LEO1: variants seen among roughly 807,000 people sequenced by gnomAD.
LEO1 encodes RNA polymerase-associated protein LEO1.
Under a neutral mutation model 80.4 loss-of-function variants are expected in LEO1, and 34 were observed. The ratio of observed to expected loss-of-function variants is 0.42; its 90% CI spans 0.32 to 0.56. LEO1 has a LOEUF of 0.56. Among genes scored for constraint, LEO1 ranks in the 20% least tolerant of loss-of-function variants. The pLI is 0.10. For missense variants in LEO1, 631 were observed against 814.2 expected (o/e 0.77, Z 2.74); for synonymous variants, 262 against 274.9 (o/e 0.95, Z 0.46).
At chr15:51,961,379 TGG>T in intron 3 of LEO1, among the ~76,000 whole-genome samples, 6 of 150,234 alleles carry the variant, frequency 4.0e-5, no homozygotes, top group African/African-American at 1.5e-4. Context: ...GTGGTGGTGG[TGG>T]TGGTGGTTGC....
chr15:51,969,864 A>G (rs927880002), intron 1 of LEO1, among the ~76,000 whole-genome samples: 1 of 135,482 alleles, frequency 7.4e-6, no homozygotes, highest in Non-Finnish European at 1.6e-5. Context: ...AAAAAAAAAG[A>G]TGTTCAGCAT....
intron 5 of LEO1, among the ~76,000 whole-genome samples, chr15:51,959,128 G>A (rs543567965): frequency 9.2e-5 from 14 of 151,462 alleles, no homozygotes; most frequent in South Asian, 6.3e-4. Context: ...TCAGCCTCCC[G>A]AGTAGCTGGG....
intron 5 of LEO1, among the ~76,000 whole-genome samples, 190 bp downstream of exon 5, chr15:51,959,709 T>C (rs2057015634): frequency 6.6e-6 from 1 of 152,202 alleles, no homozygotes; most frequent in Non-Finnish European, 1.5e-5. Flanking sequence ...CTAAAAACAA[T>C]CATAGCATTA....
chr15:51,952,496 TA>T (rs2056957362), intron 8 of LEO1, among the ~76,000 whole-genome samples: 1 of 152,178 alleles, frequency 6.6e-6, no homozygotes, highest in African/African-American at 2.4e-5. Context: ...TTCAAAAAGC[TA>T]AATCATAACC....
intron 1 of LEO1, among the ~76,000 whole-genome samples, chr15:51,967,825 A>G (rs2057090087): frequency 6.6e-6 from 1 of 152,258 alleles, no homozygotes; most frequent in Non-Finnish European, 1.5e-5. Context: ...GACGATATGG[A>G]AGACAAAAGA....
intron 11 of LEO1, among the ~76,000 whole-genome samples, chr15:51,938,777 G>A (rs766149926): frequency 1.4e-4 from 22 of 152,122 alleles, no homozygotes; most frequent in Admixed American, 2.6e-4. Context: ...CTGTACAAAC[G>A]TTCTAACAGA....
Position 51,960,852 on chromosome 15 carries a change from A to C in LEO1, c.920-119T>G, listed in dbSNP as rs1183319696. ...CCAGCATCAGAAAACCACCAAAAAC[A>C]TAATGCTGAGCCTGGCTCTCAAAGA... is the stretch of plus-strand genomic sequence containing the variant. On this transcript the variant is annotated intron_variant, in intron 3 of 11. Transcript: ENST00000299601. 6 of 644,004 alleles carry C rather than the reference A, an allele frequency of 9.3e-6. No individual in the cohort carries two copies. The South Asian group carries it at 9.5e-5, about 10-fold the overall frequency. 39.9% of individuals were successfully genotyped at this position (644,004 alleles called of 1,614,324 possible).
At chr15:51,969,374 C>T (rs9744466) in intron 1 of LEO1, among the ~76,000 whole-genome samples, 1 of 152,092 alleles carries the variant, frequency 6.6e-6, no homozygotes, top group African/African-American at 2.4e-5. Flanking sequence ...GTGGCTCACA[C>T]CTGTAATCCC....
intron 5 of LEO1, 73 bp downstream of exon 5, chr15:51,959,826 G>A: frequency 7.4e-7 from 1 of 1,350,324 alleles, no homozygotes; most frequent in East Asian, 2.6e-5. Flanking sequence ...TCAACTCAAT[G>A]CGAAATAAGA....
intron 1 of LEO1, among the ~76,000 whole-genome samples, chr15:51,967,968 G>T (rs915287185): frequency 6.6e-6 from 1 of 152,140 alleles, no homozygotes; most frequent in Admixed American, 6.5e-5. Flanking sequence ...TGGATCACCT[G>T]AGGTCAGGAG....
chr15:51,948,752 T>C (rs2056922438), intron 10 of LEO1, among the ~76,000 whole-genome samples: 1 of 152,172 alleles, frequency 6.6e-6, no homozygotes, highest in African/African-American at 2.4e-5. Flanking sequence ...GTTATACAAC[T>C]AAAAAGTGGC....
chr15:51,946,914 T>G (rs1352230347), intron 11 of LEO1: 2 of 182,654 alleles, frequency 1.1e-5, no homozygotes, highest in African/African-American at 2.4e-5. Context: ...CACCCTCTGG[T>G]CTACCACACT....
At position 51,966,014 on chromosome 15, in the gene LEO1, C is replaced by G. The variant is rs1406082287; in HGVS notation, c.549G>C (p.Glu183Asp). Residue 183 changes from glutamate (E) to aspartate (D), a missense_variant, in exon 2 of 12, where the codon GAG becomes GAC. Coordinates refer to ENST00000299601, the MANE Select transcript of LEO1 (RefSeq NM_138792.4). ...EDKLQNSDDD[E>D]KMQNTDDEER... Reference sequence around the variant, plus strand: ...CCTCATCATCTGTGTTCTGCATTTTCTCATCATCGTCAGAATTCTGCAGCT... The same window carrying G: ...CCTCATCATCTGTGTTCTGCATTTTGTCATCATCGTCAGAATTCTGCAGCT... 1 of 1,614,116 alleles carries G rather than the reference C, an allele frequency of 6.2e-7. No individual in the cohort carries two copies.
At position 51,965,984 on chromosome 15, in the gene LEO1, C is replaced by T. The variant is rs1236113461; in HGVS notation, c.579G>A (p.Arg193=). 1 of 1,613,924 alleles carries T rather than the reference C, an allele frequency of 6.2e-7. No homozygotes were observed. Among genetic ancestry groups the T allele is most frequent in the Non-Finnish European group, 8.5e-7 (1 of 1,179,888 alleles). The change falls in exon 2 of 12, where the codon AGG becomes AGA. Residue 193 remains arginine, a synonymous_variant. Transcript: ENST00000299601. ...EKMQNTDDEE[R]PQLSDDERQQ... is the part of the protein sequence containing the mutation. ...GTCTCTCATCATCGGAAAGCTGAGGCCTCTCCTCATCATCTGTGTTCTGCA... is the reference window on the plus strand; with the variant it reads ...GTCTCTCATCATCGGAAAGCTGAGGTCTCTCCTCATCATCTGTGTTCTGCA...
chr15:51,964,083 G>A (rs937454698), intron 2 of LEO1, among the ~76,000 whole-genome samples: 5 of 151,244 alleles, frequency 3.3e-5, no homozygotes, highest in Admixed American at 1.3e-4. Flanking sequence ...GCGGGTGCCT[G>A]TAGTCCCAGC....
intron 11 of LEO1, among the ~76,000 whole-genome samples, chr15:51,943,817 C>T (rs891774488): frequency 2.1e-5 from 3 of 142,460 alleles, no homozygotes; most frequent in Non-Finnish European, 4.6e-5. Context: ...GGAATTCTTA[C>T]ACTGAAAGGG....
At chr15:51,939,053 C>T (rs772845811) in intron 11 of LEO1, among the ~76,000 whole-genome samples, 13 of 152,086 alleles carry the variant, frequency 8.5e-5, no homozygotes, top group Non-Finnish European at 1.5e-4. Context: ...GGTGTGGTGG[C>T]GCACGCCTGT....
At chr15:51,953,351 A>G (rs2056963907) in intron 7 of LEO1, 88 bp from the exon 8 acceptor site, 2 of 1,396,160 alleles carry the variant, frequency 1.4e-6, no homozygotes, top group Non-Finnish European at 2.0e-6. Context: ...GGCTGGGCAC[A>G]GTGGCCCACA....
chr15:51,967,569 C>A (rs180990478), intron 1 of LEO1, among the ~76,000 whole-genome samples: 73 of 152,302 alleles, frequency 4.8e-4, no homozygotes, highest in South Asian at 3.7e-3. Context: ...GTAGGATAAA[C>A]TTACAGAGGT....
Sources: gnomAD v4.1 joint callset for allele counts (sites outside exome capture counted in the v4.1 genomes callset) on GRCh38, gnomAD v4.1.1 for gene constraint, MANE v1.5 for transcripts, NCBI Gene and HGNC (gene_info 2026-07-23, HGNC 2026-07-21) for gene names.